KIF26B: variants seen among roughly 807,000 people sequenced by gnomAD.
The protein encoded by KIF26B is kinesin family member 26B, also known as kinesin-like protein KIF26B.
Under a neutral mutation model 151.2 loss-of-function variants are expected in KIF26B, and 63 were observed. The observed-to-expected ratio is 0.42, with a 90% CI of 0.34 to 0.51. The LOEUF (loss-of-function observed/expected upper bound fraction) is 0.51, where lower values mean the gene tolerates loss of function less well. Ranked by LOEUF, KIF26B falls within the 20% of genes least tolerant of loss-of-function variation. KIF26B has a pLI of 0.07. For missense variants in KIF26B, 2,813 were observed against 2,913.6 expected (o/e 0.97, Z 0.79); for synonymous variants, 1,357 against 1,262.1 (o/e 1.08, Z -1.59).
chr1:245,290,986 G>A (rs1558377352), intron 2 of KIF26B, among the ~76,000 whole-genome samples: 1 of 152,216 alleles, frequency 6.6e-6, no homozygotes. Flanking sequence ...AGTGCTGGGT[G>A]TTCTAAGTAG....
At position 245,369,168 on chromosome 1, in the gene KIF26B, T is replaced by TGAGAGAGAGGGAGAGAGAGA. The variant is rs1396163965; in HGVS notation, c.999+1810_999+1811insGGAGAGAGAGAGAGAGAGAG. 3.8e-3 allele frequency among the ~76,000 whole-genome samples: 520 copies of TGAGAGAGAGGGAGAGAGAGA among 135,840 alleles called. 8 individuals are homozygous for TGAGAGAGAGGGAGAGAGAGA. The highest frequency in any genetic ancestry group is 0.013 in the African/African-American group (488 of 38,742). The allele number at this position is 135,840 out of a possible 152,430, so 89.1% of individuals were successfully genotyped here. On this transcript the variant is annotated intron_variant, in intron 3 of 14. Coordinates refer to ENST00000407071, the MANE Select transcript of KIF26B (RefSeq NM_018012.4). Reference sequence around the variant, plus strand: ...ACTCTGAATTGGGAAAAAAGAAGAGTGAGAGAGAGAGAGAGAGAGAGAGAG... The same window carrying TGAGAGAGAGGGAGAGAGAGA: ...ACTCTGAATTGGGAAAAAAGAAGAGTGAGAGAGAGGGAGAGAGAGAGAGAGAGAGAGAGAGAGAGAGAGAG...
At chr1:245,293,351 G>C (rs549741975) in intron 2 of KIF26B, among the ~76,000 whole-genome samples, 3 of 152,136 alleles carry the variant, frequency 2.0e-5, no homozygotes, top group Admixed American at 2.0e-4. Flanking sequence ...GATGTTGTGG[G>C]GTTGGACCCT....
At chr1:245,677,237 C>A (rs2044367943) in intron 10 of KIF26B, among the ~76,000 whole-genome samples, 1 of 152,204 alleles carries the variant, frequency 6.6e-6, no homozygotes, top group East Asian at 1.9e-4. Context: ...CTCTTCTAAG[C>A]TCTCCTTGAT....
At chr1:245,635,911 G>A (rs1352217494) in intron 9 of KIF26B, among the ~76,000 whole-genome samples, 2 of 152,148 alleles carry the variant, frequency 1.3e-5, no homozygotes, top group Non-Finnish European at 2.9e-5. Flanking sequence ...AAGTTGTGGA[G>A]TTTCAGAATA....
At chr1:245,605,681 G>A (rs1339945258) in intron 6 of KIF26B, among the ~76,000 whole-genome samples, 1 of 152,096 alleles carries the variant, frequency 6.6e-6, no homozygotes, top group African/African-American at 2.4e-5. Flanking sequence ...GCTCGAGAAG[G>A]CTGCATGCCT....
intron 2 of KIF26B, among the ~76,000 whole-genome samples, chr1:245,240,162 C>T (rs771305670): frequency 1.0e-4 from 15 of 150,480 alleles, no homozygotes; most frequent in Non-Finnish European, 2.1e-4. Context: ...GACTCTGTCT[C>T]AAAAAAAAAG....
intron 12 of KIF26B, among the ~76,000 whole-genome samples, chr1:245,694,016 C>A (rs888055746): frequency 4.6e-5 from 7 of 152,136 alleles, no homozygotes; most frequent in Non-Finnish European, 8.8e-5. Flanking sequence ...TAGAATAGAA[C>A]CCCAAAGAGA....
intron 4 of KIF26B, among the ~76,000 whole-genome samples, chr1:245,461,743 C>T (rs1659652318): frequency 6.6e-6 from 1 of 152,194 alleles, no homozygotes; most frequent in Admixed American, 6.5e-5. Context: ...AATGGCTAAG[C>T]AGCGCACTCT....
At position 245,589,792 on chromosome 1, in the gene KIF26B, GA is replaced by G. The variant is rs2043266218; in HGVS notation, c.1351-12782del. ...AGTTCTGGACGTTACTGATCTAGGT[GA>G]AAGGCCAGAAGCAGTGGGATATTGA... On this transcript the variant is annotated intron_variant, in intron 5 of 14. Transcript: ENST00000407071. Among the ~76,000 whole-genome samples, 12 of 152,304 alleles carry G rather than the reference GA, an allele frequency of 7.9e-5. No individual in the cohort carries two copies. The South Asian group carries it at 2.5e-3, about 32-fold the overall frequency.
intron 2 of KIF26B, among the ~76,000 whole-genome samples, chr1:245,316,807 G>T (rs902535247): frequency 2.6e-5 from 4 of 151,362 alleles, no homozygotes; most frequent in South Asian, 4.2e-4. Context: ...TGATTTCTGT[G>T]GGGCTTTTGA....
At chr1:245,290,146 C>T (rs1671231531) in intron 2 of KIF26B, among the ~76,000 whole-genome samples, 1 of 151,646 alleles carries the variant, frequency 6.6e-6, no homozygotes, top group Non-Finnish European at 1.5e-5. Flanking sequence ...CAGAGCCTAG[C>T]ATTCAGTAGG....
At chr1:245,187,039 T>C (rs1669012923) in intron 2 of KIF26B, among the ~76,000 whole-genome samples, 1 of 152,114 alleles carries the variant, frequency 6.6e-6, no homozygotes, top group Non-Finnish European at 1.5e-5. Flanking sequence ...GTATTTTTAG[T>C]AGAGACAGGG....
intron 4 of KIF26B, among the ~76,000 whole-genome samples, chr1:245,474,818 C>A (rs1256902433): frequency 6.6e-6 from 1 of 151,846 alleles, no homozygotes. Context: ...CTGGTAACCA[C>A]CCATCTACTC....
At chr1:245,335,174 T>C (rs1372573529) in intron 2 of KIF26B, among the ~76,000 whole-genome samples, 4 of 152,192 alleles carry the variant, frequency 2.6e-5, no homozygotes, top group Admixed American at 6.5e-5. Flanking sequence ...CTGGCACTTC[T>C]GTGCTAAAAA....
In KIF26B at chr1:245,584,476, G is replaced by C. The variant is rs141052879; in HGVS notation, c.1351-18101G>C. Among the ~76,000 whole-genome samples, 920 of 152,312 alleles carry C rather than the reference G, an allele frequency of 6.0e-3. 13 individuals carry two copies. Among genetic ancestry groups the C allele is most frequent in the Middle Eastern group, 0.017 (5 of 294 alleles). ...TGACTCTAGAAATTGTTGAATGGAAGTGCTAAAGATTATCCTCAAACACAC... is the reference window on the plus strand; with the variant it reads ...TGACTCTAGAAATTGTTGAATGGAACTGCTAAAGATTATCCTCAAACACAC... On this transcript the variant is annotated intron_variant, in intron 5 of 14. Coordinates refer to ENST00000407071, the MANE Select transcript of KIF26B (RefSeq NM_018012.4).
intron 4 of KIF26B, among the ~76,000 whole-genome samples, chr1:245,449,040 G>T (rs950233282): frequency 2.0e-5 from 3 of 152,224 alleles, no homozygotes; most frequent in African/African-American, 4.8e-5. Context: ...ACTTTAGCAC[G>T]TCAGTACTTG....
At position 245,488,912 on chromosome 1, in the gene KIF26B, A is replaced by G. The variant is rs1420277862; in HGVS notation, c.1167-51855A>G. Among the ~76,000 whole-genome samples, 2 of 152,168 alleles carry G rather than the reference A, an allele frequency of 1.3e-5. No homozygotes were observed. Among genetic ancestry groups the G allele is most frequent in the Non-Finnish European group, 2.9e-5 (2 of 68,024 alleles). Reference sequence around the variant, plus strand: ...GGTAGATGCAAAATATGCTGATAAGATTAAAGCTCCTCTAGTGACTCTTAA... The same window carrying G: ...GGTAGATGCAAAATATGCTGATAAGGTTAAAGCTCCTCTAGTGACTCTTAA... On this transcript the variant is annotated intron_variant, in intron 4 of 14. Transcript: ENST00000407071. The surrounding 1 kb of genome is among the most constrained non-coding windows in gnomAD (Gnocchi z 4.6).
At chr1:245,545,655 T>C (rs1385150475) in intron 5 of KIF26B, among the ~76,000 whole-genome samples, 1 of 152,234 alleles carries the variant, frequency 6.6e-6, no homozygotes, top group African/African-American at 2.4e-5. Flanking sequence ...ATTATGCTAC[T>C]AAGTAGTCTT....
At chr1:245,534,615 T>C (rs1239570762) in intron 4 of KIF26B, among the ~76,000 whole-genome samples, 2 of 152,182 alleles carry the variant, frequency 1.3e-5, no homozygotes, top group Non-Finnish European at 2.9e-5. Context: ...TATTGTACTA[T>C]CCTTGGTAAG....
Sources: gnomAD v4.1 joint callset for allele counts (sites outside exome capture counted in the v4.1 genomes callset) on GRCh38, gnomAD v4.1.1 for gene constraint, Gnocchi (gnomAD v3.1) non-coding constraint, MANE v1.5 for transcripts, NCBI Gene and HGNC (gene_info 2026-07-23, HGNC 2026-07-21) for gene names.